The following BRD1 variants were observed in gnomAD, a reference collection of about 807,000 sequenced individuals.
The protein encoded by BRD1 is bromodomain-containing protein 1.
BRD1 carries 24 observed loss-of-function variants against 107.7 expected under a neutral mutation model. That is an observed-to-expected ratio of 0.22 (90% CI 0.16 to 0.31). The LOEUF (loss-of-function observed/expected upper bound fraction) is 0.31, where lower values mean the gene tolerates loss of function less well. Ranked by LOEUF, BRD1 falls within the 10% of genes least tolerant of loss-of-function variation. The pLI, the probability that BRD1 is intolerant of heterozygous loss-of-function variation, is 1.00. For missense variants in BRD1, 1,279 were observed against 1,638.6 expected (o/e 0.78, Z 3.79); for synonymous variants, 744 against 686.1 (o/e 1.08, Z -1.32).
chr22:49,814,729 G>A (rs1029215556), intron 2 of BRD1, among the ~76,000 whole-genome samples: 7 of 152,152 alleles, frequency 4.6e-5, no homozygotes, highest in African/African-American at 1.4e-4. Context: ...AGCCACCATC[G>A]CCTCCAGCAG....
At chr22:49,776,920 G>T (rs979801850) in intron 10 of BRD1, 114 bp downstream of exon 10, 7 of 1,472,818 alleles carry the variant, frequency 4.8e-6, no homozygotes, top group Non-Finnish European at 6.5e-6. Context: ...GCCAGGGTGG[G>T]GCTCCACACA....
intron 2 of BRD1, among the ~76,000 whole-genome samples, 174 bp from the exon 3 acceptor site, chr22:49,804,534 CT>C (rs1377122624): frequency 3.3e-5 from 5 of 152,248 alleles, no homozygotes. Flanking sequence ...AATTCACGAT[CT>C]CCAACCATTT....
At chr22:49,807,702 A>G (rs2059771472) in intron 2 of BRD1, among the ~76,000 whole-genome samples, 1 of 152,254 alleles carries the variant, frequency 6.6e-6, no homozygotes, top group East Asian at 1.9e-4. Context: ...TTTGGCAATG[A>G]TTTCTTGAAT....
rs767272824 is a variant in BRD1 at position 49,783,677 on chromosome 22, C to T, written c.2857+3713G>A. Among the ~76,000 whole-genome samples the T allele has an allele frequency of 1.3e-5, 2 of 151,892 alleles. No homozygotes were observed. The highest frequency in any genetic ancestry group is 2.9e-5 in the Non-Finnish European group (2 of 67,982). ...GGAAGGCTGAGGTGCCACGACATCC[C>T]GCCAGCTCCAGGCGTGCACCGGGCG... is the stretch of plus-strand genomic sequence containing the variant. On this transcript the variant is annotated intron_variant, in intron 8 of 12. Transcript: ENST00000404760. This position sits in a 1 kb window ranked among gnomAD's most constrained non-coding sequence, Gnocchi z 4.2.
At position 49,824,766 on chromosome 22, in the gene BRD1, C is replaced by T; in HGVS notation, c.-14-435G>A. ...CACCAGGCACAGAGGCTATGCCCAC[C>T]AGACAGGCATGCTCAGTGGCTACCT... is the stretch of plus-strand genomic sequence containing the variant. On this transcript the variant is annotated intron_variant, in intron 1 of 12. Transcript: ENST00000404760. This position sits in a 1 kb window ranked among gnomAD's most constrained non-coding sequence, Gnocchi z 5.9. 1 of 1,029,096 alleles carries T rather than the reference C, an allele frequency of 9.7e-7. No individual in the cohort carries two copies. The highest frequency in any genetic ancestry group is 1.2e-6 in the Non-Finnish European group (1 of 854,966). 63.7% of individuals were successfully genotyped at this position (1,029,096 alleles called of 1,614,324 possible). A position where few individuals can be genotyped will look rare whatever the true frequency, so the allele number is the denominator to read the frequency against.
chr22:49,820,785 T>G (rs2060050754), intron 2 of BRD1: 1 of 152,302 alleles, frequency 6.6e-6, no homozygotes, highest in Non-Finnish European at 1.5e-5. Context: ...CAGTCAGTAC[T>G]GTATTGAGAG....
Position 49,777,128 on chromosome 22 carries a change from C to T in BRD1, c.3027G>A (p.Pro1009=), listed in dbSNP as rs907695621. The stretch of plus-strand genomic sequence containing the variant: ...CCAGCGTGTGCCGTCGCACAAGAGC[C>T]GGTTTGCCCCGCCCACATTTGGGCG... ...FNAPKCGRGK[P]ALVRRHTLED... Residue 1009 remains proline (P), a synonymous_variant, in exon 10 of 13, where the codon CCG becomes CCA. Transcript: ENST00000404760. 1.6e-5 allele frequency: 26 copies of T among 1,613,290 alleles called. No individual in the cohort carries two copies. Among genetic ancestry groups the T allele is most frequent in the East Asian group, 2.2e-5 (1 of 44,880 alleles).
At chr22:49,810,425 G>A (rs142660413) in intron 2 of BRD1, among the ~76,000 whole-genome samples, 8 of 152,110 alleles carry the variant, frequency 5.3e-5, no homozygotes, top group African/African-American at 1.9e-4. Flanking sequence ...TTAGGCAAAG[G>A]CTTCTTACAT....
intron 2 of BRD1, among the ~76,000 whole-genome samples, chr22:49,808,229 T>C (rs2059781294): frequency 6.6e-6 from 1 of 152,146 alleles, no homozygotes; most frequent in Non-Finnish European, 1.5e-5. Flanking sequence ...TTATCACCCA[T>C]GTTCTTCACA....
In BRD1 at chr22:49,824,442, A is replaced by G. The variant is rs561350705; in HGVS notation, c.-14-111T>C. 1 of 1,478,042 alleles carries G rather than the reference A, an allele frequency of 6.8e-7. No individual in the cohort carries two copies. Among genetic ancestry groups the G allele is most frequent in the East Asian group, 2.4e-5 (1 of 41,812 alleles). The allele number at this position is 1,478,042 out of a possible 1,614,324, so 91.6% of individuals were successfully genotyped here. ...AGCTCAGCAGCTCAAAGCCCAATCA[A>G]AGCAAAACTCACAGCTAACCTCTTT... is the stretch of plus-strand genomic sequence containing the variant. On this transcript the variant is annotated intron_variant, in intron 1 of 12. Coordinates refer to ENST00000404760, the MANE Select transcript of BRD1 (RefSeq NM_001304808.3). This position sits in a 1 kb window ranked among gnomAD's most constrained non-coding sequence, Gnocchi z 5.9.
chr22:49,781,916 G>A (rs1334468355), intron 8 of BRD1, among the ~76,000 whole-genome samples: 1 of 151,816 alleles, frequency 6.6e-6, no homozygotes, highest in Non-Finnish European at 1.5e-5. Context: ...GTCAGAGACC[G>A]ACCCAAGGCC....
chr22:49,801,420 G>T (rs544167050), intron 3 of BRD1, among the ~76,000 whole-genome samples: 2 of 152,330 alleles, frequency 1.3e-5, no homozygotes, highest in Admixed American at 6.5e-5. Flanking sequence ...TCAGGCTGGG[G>T]CAGGTACACA....
chr22:49,777,291 G>A, intron 9 of BRD1, 130 bp from the exon 10 acceptor site: 1 of 1,393,502 alleles, frequency 7.2e-7, no homozygotes, highest in Non-Finnish European at 9.8e-7. Flanking sequence ...GGCCAGACGG[G>A]CCTGTGGGTG....
intron 9 of BRD1, 88 bp downstream of exon 9, chr22:49,777,590 G>A (rs2059125166): frequency 3.3e-6 from 5 of 1,522,166 alleles, no homozygotes; most frequent in Middle Eastern, 2.3e-4. Context: ...TAAGATGGGA[G>A]CTGGAATGTC....
rs528224595 is a variant in BRD1, at chr22:49,780,110, C to A, written c.2858-2297G>T. On this transcript the variant is annotated intron_variant, in intron 8 of 12. Coordinates refer to ENST00000404760, the MANE Select transcript of BRD1 (RefSeq NM_001304808.3). ...GGGGGAAGACGATGACCAGTGCGGCCTTCACAAGACTGCCCAGAGGTGCCA... is the reference window on the plus strand; with the variant it reads ...GGGGGAAGACGATGACCAGTGCGGCATTCACAAGACTGCCCAGAGGTGCCA... Among the ~76,000 whole-genome samples, 9 of 152,258 alleles carry A rather than the reference C, an allele frequency of 5.9e-5. No individual in the cohort carries two copies. The East Asian group carries it at 9.7e-4, about 16-fold the overall frequency.
At chr22:49,777,346 G>C (rs1295092077) in intron 9 of BRD1, among the ~76,000 whole-genome samples, 185 bp from the exon 10 acceptor site, 1 of 152,254 alleles carries the variant, frequency 6.6e-6, no homozygotes, top group Non-Finnish European at 1.5e-5. Context: ...GGACTCAGGA[G>C]GCCAAAGTGG....
At chr22:49,789,991 C>G (rs2059402374) in intron 7 of BRD1, among the ~76,000 whole-genome samples, 1 of 152,266 alleles carries the variant, frequency 6.6e-6, no homozygotes, top group Non-Finnish European at 1.5e-5. Context: ...TGCATGCACC[C>G]CACACGCCCC....
rs974156549 is a variant in BRD1, at chr22:49,824,551, C to T, written c.-14-220G>A. ...GCAGCAGTAACAGGCAGAGAGGCAG[C>T]CTGAGGAGCCCTCCTGAGCACCTGC... is the stretch of plus-strand genomic sequence containing the variant. On this transcript the variant is annotated intron_variant, in intron 1 of 12. Transcript: ENST00000404760. This position sits in a 1 kb window ranked among gnomAD's most constrained non-coding sequence, Gnocchi z 5.9. 46 of 1,373,424 alleles carry T rather than the reference C, an allele frequency of 3.3e-5. No homozygotes were observed. The highest frequency in any genetic ancestry group is 4.7e-6 in the Non-Finnish European group (5 of 1,063,030). The allele number at this position is 1,373,424 out of a possible 1,614,324, so 85.1% of individuals were successfully genotyped here.
chr22:49,822,999 G>A lies in BRD1; in HGVS notation c.1319C>T (p.Pro440Leu), dbSNP rs2060099094. 2 of 1,614,122 alleles carry A rather than the reference G, an allele frequency of 1.2e-6. No homozygotes were observed. The highest frequency in any genetic ancestry group is 1.3e-5 in the African/African-American group (1 of 74,948). The part of the protein sequence containing the change: ...AKKAKKALAE[P>L]CAVLPTVCAP... ...GCACACGGTCGGCAGGACCGCGCAG[G>A]GCTCAGCCAGAGCTTTCTTAGCCTT... The change falls in exon 2 of 13, where the codon CCC becomes CTC. Residue 440 changes from proline (P) to leucine (L), a missense_variant. Transcript: ENST00000404760.
Sources: allele counts gnomAD v4.1 joint callset (sites outside exome capture counted in the v4.1 genomes callset), GRCh38; gene constraint gnomAD v4.1.1; non-coding constraint Gnocchi (gnomAD v3.1); transcripts MANE v1.5; gene names NCBI Gene and HGNC (gene_info 2026-07-23, HGNC 2026-07-21).